Variants in GRIA1 observed in about 807,000 individuals in gnomAD.
The protein encoded by GRIA1 is glutamate ionotropic receptor AMPA type subunit 1, also known as glutamate receptor 1.
A neutral mutation model predicts 99.2 loss-of-function variants in GRIA1; 31 were observed. The ratio of observed to expected loss-of-function variants is 0.31; its 90% CI spans 0.23 to 0.42. The LOEUF is 0.42. GRIA1 is among the 10% of genes least tolerant of loss of function. GRIA1 has a pLI of 1.00. For synonymous variants in GRIA1, 438 were observed against 432.4 expected (o/e 1.01, Z -0.16); for missense variants, 782 against 1,157.5 (o/e 0.68, Z 4.71).
At chr5:153,581,957 C>T (rs1203023464) in intron 2 of GRIA1, among the ~76,000 whole-genome samples, 6 of 152,200 alleles carry the variant, frequency 3.9e-5, no homozygotes, top group African/African-American at 1.4e-4. Context: ...GGGGTTTCAC[C>T]ATGTTGGCCA....
intron 11 of GRIA1, among the ~76,000 whole-genome samples, chr5:153,759,947 A>T (rs1399141401): frequency 1.3e-5 from 2 of 152,154 alleles, no homozygotes; most frequent in African/African-American, 4.8e-5. Context: ...AACACAAATT[A>T]GATGATCATT....
upstream of GRIA1, chr5:153,490,624 G>A (rs1470952325): frequency 7.7e-6 from 4 of 522,140 alleles, no homozygotes; most frequent in Admixed American, 1.3e-4. Context: ...GAGTGGGGGA[G>A]CCAGCGCTCC....
chr5:153,544,746 G>A (rs1477767314), intron 2 of GRIA1, among the ~76,000 whole-genome samples: 1 of 152,164 alleles, frequency 6.6e-6, no homozygotes, highest in Non-Finnish European at 1.5e-5. Flanking sequence ...AAGATAGCTA[G>A]TAAGATGGAA....
chr5:153,756,736 C>G (rs1177769244), intron 11 of GRIA1, among the ~76,000 whole-genome samples: 1 of 152,068 alleles, frequency 6.6e-6, no homozygotes, highest in Non-Finnish European at 1.5e-5. Flanking sequence ...TTAGGATACC[C>G]TCTAGTGTTG....
intron 11 of GRIA1, among the ~76,000 whole-genome samples, chr5:153,714,828 A>G (rs2149531859): frequency 6.6e-6 from 1 of 152,354 alleles, no homozygotes; most frequent in South Asian, 2.1e-4. Flanking sequence ...GCTATGTCCA[A>G]CGGAGATAAT....
chr5:153,489,784 A>C, upstream of GRIA1: 1 of 456,688 alleles, frequency 2.2e-6, no homozygotes, highest in South Asian at 1.5e-5. Flanking sequence ...ACCTGAAAGA[A>C]GCTTGAATCC....
intron 2 of GRIA1, among the ~76,000 whole-genome samples, chr5:153,511,981 T>G (rs1756123938): frequency 6.6e-6 from 1 of 152,238 alleles, no homozygotes; most frequent in Non-Finnish European, 1.5e-5. Flanking sequence ...TCTGTTACAC[T>G]GCTGTTACAC....
In GRIA1 at chr5:153,507,527, C is replaced by G. The variant is rs115632736; in HGVS notation, c.220+13462C>G. Among the ~76,000 whole-genome samples, 1,039 of 152,292 alleles carry G rather than the reference C, an allele frequency of 6.8e-3. 10 individuals are homozygous for G. The highest frequency in any genetic ancestry group is 0.023 in the African/African-American group (946 of 41,562). ...TTTTCTCACTTTATTTCTGTTCAAT[C>G]ATTCAGCCTTAAAATGTGGGTGTCT... On this transcript the variant is annotated intron_variant, in intron 2 of 15. Coordinates refer to ENST00000285900, the MANE Select transcript of GRIA1 (RefSeq NM_000827.4).
chr5:153,798,027 C>A (rs1288047952), intron 14 of GRIA1, among the ~76,000 whole-genome samples: 2 of 152,196 alleles, frequency 1.3e-5, no homozygotes, highest in Non-Finnish European at 2.9e-5. Context: ...GGGGTGGGGA[C>A]AAGTGTCAAA....
At chr5:153,615,410 GAT>G (rs1278817378) in intron 2 of GRIA1, among the ~76,000 whole-genome samples, 1 of 152,216 alleles carries the variant, frequency 6.6e-6, no homozygotes, top group Non-Finnish European at 1.5e-5. Flanking sequence ...GGGAGTCTGA[GAT>G]GAAAGGACCG....
intron 2 of GRIA1, among the ~76,000 whole-genome samples, chr5:153,530,061 TCTAA>T (rs1757952759): frequency 6.6e-6 from 1 of 152,204 alleles, no homozygotes; most frequent in Admixed American, 6.5e-5. Flanking sequence ...CAGCAACAAC[TCTAA>T]CTGTGAGCAC....
At chr5:153,538,197 A>G (rs1243310633) in intron 2 of GRIA1, among the ~76,000 whole-genome samples, 1 of 152,212 alleles carries the variant, frequency 6.6e-6, no homozygotes, top group Non-Finnish European at 1.5e-5. Context: ...AAATATTTAG[A>G]AATGATGGGA....
intron 2 of GRIA1, among the ~76,000 whole-genome samples, chr5:153,606,874 T>C (rs79841495): frequency 9.6e-6 from 1 of 104,272 alleles, no homozygotes; most frequent in Non-Finnish European, 2.1e-5. Context: ...TGTTAGTACT[T>C]TAAGATGTTT....
intron 2 of GRIA1, among the ~76,000 whole-genome samples, chr5:153,521,215 C>G (rs1757114571): frequency 6.6e-6 from 1 of 152,224 alleles, no homozygotes; most frequent in Non-Finnish European, 1.5e-5. Context: ...AATGCTTAGG[C>G]TATGCAGCAG....
chr5:153,665,077 A>G (rs1262428833), intron 5 of GRIA1, among the ~76,000 whole-genome samples: 1 of 152,194 alleles, frequency 6.6e-6, no homozygotes, highest in African/African-American at 2.4e-5. Context: ...TGACCACAAC[A>G]GTTGGGGCAG....
chr5:153,635,306 A>G (rs748895828), intron 2 of GRIA1, among the ~76,000 whole-genome samples: 59 of 152,232 alleles, frequency 3.9e-4, no homozygotes, highest in Non-Finnish European at 2.9e-5. Flanking sequence ...TCATTCGTGA[A>G]CCAGCAGAAG....
At chr5:153,594,044 C>A (rs1764212560) in intron 2 of GRIA1, among the ~76,000 whole-genome samples, 1 of 152,164 alleles carries the variant, frequency 6.6e-6, no homozygotes, top group Non-Finnish European at 1.5e-5. Flanking sequence ...ATTTCATTAT[C>A]TTCTTTTTTC....
intron 2 of GRIA1, among the ~76,000 whole-genome samples, chr5:153,625,106 A>AT (rs147404800): frequency 0.085 from 12,633 of 148,958 alleles, 600 homozygotes; most frequent in Non-Finnish European, 0.11. Context: ...GTACATCTCT[A>AT]TTTTTTTTTT....
chr5:153,798,973 C>T (rs974704649), intron 14 of GRIA1, among the ~76,000 whole-genome samples: 1 of 152,136 alleles, frequency 6.6e-6, no homozygotes, highest in Non-Finnish European at 1.5e-5. Context: ...GCAACAAGCC[C>T]AGCGATTCTG....
Sources: allele counts gnomAD v4.1 joint callset (sites outside exome capture counted in the v4.1 genomes callset), GRCh38; gene constraint gnomAD v4.1.1; transcripts MANE v1.5; gene names NCBI Gene and HGNC (gene_info 2026-07-23, HGNC 2026-07-21).